The following BBS12 variants were observed in gnomAD, a reference collection of about 807,000 sequenced individuals.
BBS12 encodes chaperonin-containing T-complex member BBS12.
Under a neutral mutation model 5.6 loss-of-function variants are expected in BBS12, and 5 were observed. The observed-to-expected ratio is 0.89, with a 90% confidence interval of 0.46 to 1.86. BBS12 has a LOEUF of 1.86. Among genes scored for constraint, BBS12 ranks in the 40% most tolerant of loss-of-function variants. The probability of loss-of-function intolerance (pLI) is 0.01; values close to 1 mark genes in which losing one functional copy is unlikely to be tolerated. For synonymous variants in BBS12, 308 were observed against 306.8 expected, an observed-to-expected ratio of 1.00 and a Z score of -0.04; for missense variants, 748 against 830.4, an observed-to-expected ratio of 0.90 and a Z score of 1.22.
At chr4:122,733,376 A>AACACACACACACACACACACACAC (rs3034555) in intron 1 of BBS12, among the ~76,000 whole-genome samples, 2 of 88,114 alleles carry the variant, frequency 2.3e-5, no homozygotes, top group Admixed American at 1.2e-4. Context: ...CTCCAACCCC[A>AACACACACACACACACACACACAC]ACACACACAC....
upstream of BBS12, chr4:122,729,956 A>G (rs1009412919): frequency 1.3e-5 from 2 of 152,166 alleles, no homozygotes; most frequent in Non-Finnish European, 2.9e-5. Flanking sequence ...CAAAAAATAT[A>G]TAAATAAAAT....
chr4:122,720,947 G>T, the BBS12 span, among the ~76,000 whole-genome samples: 22 of 150,030 alleles, frequency 1.5e-4, no homozygotes, highest in African/African-American at 5.4e-4. Flanking sequence ...TTAGGTTGGT[G>T]CAAAAGTAAT....
At chr4:122,728,150 C>G (rs1204381357), upstream of BBS12, among the ~76,000 whole-genome samples, 1 of 151,826 alleles carries the variant, frequency 6.6e-6, no homozygotes, top group Non-Finnish European at 1.5e-5. Context: ...TGATTTTAAC[C>G]CAATCACTTC....
the BBS12 span, among the ~76,000 whole-genome samples, chr4:122,725,430 A>G: frequency 6.6e-6 from 1 of 152,230 alleles, no homozygotes; most frequent in East Asian, 1.9e-4. Context: ...AGACCAATGG[A>G]ACATAATAGA....
chr4:122,706,658 A>C, the BBS12 span, among the ~76,000 whole-genome samples: 58 of 152,188 alleles, frequency 3.8e-4, no homozygotes, highest in Non-Finnish European at 7.5e-4. Context: ...ACTGTGGAAG[A>C]CTGGATACAC....
chr4:122,704,372 G>A, the BBS12 span, among the ~76,000 whole-genome samples: 3 of 152,200 alleles, frequency 2.0e-5, no homozygotes, highest in African/African-American at 7.2e-5. Flanking sequence ...TAAAGGAAAA[G>A]TATATAAACA....
chr4:122,717,528 C>T, the BBS12 span, among the ~76,000 whole-genome samples: 5 of 152,090 alleles, frequency 3.3e-5, no homozygotes, highest in African/African-American at 4.8e-5. Context: ...CACTTTTCTG[C>T]TTTTGTTTCT....
At chr4:122,740,154 T>G (rs903153899) in intron 1 of BBS12, among the ~76,000 whole-genome samples, 1 of 152,114 alleles carries the variant, frequency 6.6e-6, no homozygotes, top group Non-Finnish European at 1.5e-5. Context: ...GCACTTGTAG[T>G]CCCAGTTACT....
the BBS12 span, among the ~76,000 whole-genome samples, chr4:122,721,177 T>C: frequency 6.6e-6 from 1 of 152,172 alleles, no homozygotes; most frequent in Non-Finnish European, 1.5e-5. Context: ...CCAGCAGATC[T>C]TCACCACAAT....
At chr4:122,741,602 T>G (rs1024269929) in intron 1 of BBS12, among the ~76,000 whole-genome samples, 3 of 152,172 alleles carry the variant, frequency 2.0e-5, no homozygotes, top group Non-Finnish European at 4.4e-5. Context: ...TGTAACTCTT[T>G]CCAGTTATTT....
chr4:122,710,590 A>G, the BBS12 span, among the ~76,000 whole-genome samples: 1 of 152,214 alleles, frequency 6.6e-6, no homozygotes, highest in African/African-American at 2.4e-5. Flanking sequence ...AAAGGCATGG[A>G]TAGACTGACA....
Position 122,738,470 on chromosome 4 carries a change from A to G in BBS12, c.-10-3413A>G, listed in dbSNP as rs533393192. Among the ~76,000 whole-genome samples the G allele has an allele frequency of 2.0e-5, 3 of 152,308 alleles. No homozygotes were observed. In the East Asian group the frequency reaches 5.8e-4, roughly 29 times the overall value. ...CATGATCTGCCCACCTTGGCCTCCCAAAGTGCTGGGATTACAGGCGTGAGC... is the reference window on the plus strand; with the variant it reads ...CATGATCTGCCCACCTTGGCCTCCCGAAGTGCTGGGATTACAGGCGTGAGC... On this transcript the variant is annotated intron_variant, in intron 1 of 1. Transcript: ENST00000314218.
the BBS12 span, among the ~76,000 whole-genome samples, chr4:122,706,823 A>G: frequency 5.3e-5 from 8 of 152,322 alleles, no homozygotes; most frequent in Middle Eastern, 3.4e-3. Context: ...AGTAGAAACC[A>G]TGTGCATGTT....
rs1384614273 is a variant in BBS12, at chr4:122,736,115, T to A, written c.-11+3231T>A. Among the ~76,000 whole-genome samples the A allele has an allele frequency of 2.6e-5, 4 of 152,090 alleles. No individual in the cohort carries two copies. In the East Asian group the frequency reaches 7.7e-4, roughly 29 times the overall value. ...AGAACAAAGTGGCCAAGGGATAAAA[T>A]AGTAAGTGATAAAGTCAGAAGGGTA... On this transcript the variant is annotated intron_variant, in intron 1 of 1. Coordinates refer to ENST00000314218, the MANE Select transcript of BBS12 (RefSeq NM_152618.3).
At chr4:122,713,686 G>A in the BBS12 span, among the ~76,000 whole-genome samples, 1 of 152,236 alleles carries the variant, frequency 6.6e-6, no homozygotes, top group South Asian at 2.1e-4. Flanking sequence ...TTTTCATGCT[G>A]GGATTAGAGA....
chr4:122,743,585 T>C lies in BBS12; in HGVS notation c.1693T>C (p.Cys565Arg), dbSNP rs1427185602. The C allele has an allele frequency of 6.2e-7, 1 of 1,614,234 alleles. No homozygotes were observed. Among genetic ancestry groups the C allele is most frequent in the South Asian group, 1.1e-5 (1 of 91,086 alleles). The change falls in exon 2 of 2, where the codon TGC becomes CGC. Residue 565 changes from cysteine (C) to arginine (R), a missense_variant. Transcript: ENST00000314218. ...EQSLKKENHA[C>R]SGWLHNTSSW... ...ATCTCTGAAAAAAGAAAACCATGCCTGCTCAGGGTGGCTGCATAATACTTC... is the reference window on the plus strand; with the variant it reads ...ATCTCTGAAAAAAGAAAACCATGCCCGCTCAGGGTGGCTGCATAATACTTC...
chr4:122,739,364 A>C (rs1490741648), intron 1 of BBS12, among the ~76,000 whole-genome samples: 1 of 152,252 alleles, frequency 6.6e-6, no homozygotes, highest in African/African-American at 2.4e-5. Flanking sequence ...TTCATTCAAA[A>C]GTTAAAGATA....
intron 1 of BBS12, among the ~76,000 whole-genome samples, chr4:122,740,016 A>G (rs1800842071): frequency 6.6e-6 from 1 of 152,174 alleles, no homozygotes. Context: ...CATGCCTGTA[A>G]TCCCAGCACT....
Position 122,743,787 on chromosome 4 carries a change from C to T in BBS12, c.1895C>T (p.Pro632Leu). 1 of 1,613,824 alleles carries T rather than the reference C, an allele frequency of 6.2e-7. No individual in the cohort carries two copies. Among genetic ancestry groups the T allele is most frequent in the Non-Finnish European group, 8.5e-7 (1 of 1,179,896 alleles). The change falls in exon 2 of 2, where the codon CCT (proline) becomes CTT (leucine). Residue 632 changes from proline (P) to leucine (L), a missense_variant. Transcript: ENST00000314218. ...CAAAATGCCACAGACTCTGGCTCTCCTTCATCTTACATCTTGAATGAATAT... is the reference window on the plus strand; with the variant it reads ...CAAAATGCCACAGACTCTGGCTCTCTTTCATCTTACATCTTGAATGAATAT... ...HLQNATDSGS[P>L]SSYILNEYSK...
Sources: gnomAD v4.1 joint callset for allele counts (sites outside exome capture counted in the v4.1 genomes callset) on GRCh38, gnomAD v4.1.1 for gene constraint, MANE v1.5 for transcripts, NCBI Gene and HGNC (gene_info 2026-07-23, HGNC 2026-07-21) for gene names.